The following PSD2 variants were observed in gnomAD, a reference collection of about 807,000 sequenced individuals.
PSD2 encodes the protein pleckstrin and Sec7 domain containing 2.
PSD2 carries 38 observed loss-of-function variants against 69.8 expected under a neutral mutation model. The ratio of observed to expected loss-of-function variants is 0.54; its 90% confidence interval spans 0.42 to 0.71. The LOEUF is 0.71. Among genes scored for constraint, PSD2 ranks in the 30% least tolerant of loss-of-function variants. The pLI is 0.00. For synonymous variants in PSD2, 412 were observed against 423.0 expected (o/e 0.97, Z 0.32); for missense variants, 943 against 1,014.5 (o/e 0.93, Z 0.96).
chr5:139,747,379 A>C, the PSD2 span, among the ~76,000 whole-genome samples: 7 of 152,082 alleles, frequency 4.6e-5, no homozygotes, highest in Non-Finnish European at 7.4e-5. The surrounding 1 kb of genome is among the most constrained non-coding windows in gnomAD (Gnocchi z 6.7). Context: ...CCCAGCTGTT[A>C]ACCTTCACGC....
chr5:139,767,165 T>C, the PSD2 span, among the ~76,000 whole-genome samples: 15 of 148,880 alleles, frequency 1.0e-4, no homozygotes, highest in Non-Finnish European at 2.1e-4. Context: ...GCTAATTTTT[T>C]TTGTATTTTT....
At chr5:139,816,946 T>G (rs1760135936) in intron 4 of PSD2, among the ~76,000 whole-genome samples, 1 of 152,254 alleles carries the variant, frequency 6.6e-6, no homozygotes, top group African/African-American at 2.4e-5. Flanking sequence ...TCTCCTTGTC[T>G]TGTGGATTCT....
chr5:139,824,325 A>G (rs1250127859), intron 7 of PSD2, among the ~76,000 whole-genome samples: 1 of 151,612 alleles, frequency 6.6e-6, no homozygotes, highest in Non-Finnish European at 1.5e-5. Flanking sequence ...CACTTCATAG[A>G]TTAGAAGTGG....
At position 139,814,232 on chromosome 5, in the gene PSD2, T is replaced by C. The variant is rs1405989474; in HGVS notation, c.884T>C (p.Leu295Ser). Residue 295 changes from leucine (L) to serine (S), a missense_variant, in exon 4 of 15, where the codon TTG (leucine) becomes TCG (serine). Around this residue, in one of 3 missense-constraint regions of PSD2, gnomAD observed 466 missense variants for 445.0 expected, o/e 1.05. Coordinates refer to ENST00000274710, the MANE Select transcript of PSD2 (RefSeq NM_032289.4). This position sits in a 1 kb window ranked among gnomAD's most constrained non-coding sequence, Gnocchi z 4.4. Reference protein sequence around the residue: ...SDSELSSSEGLEPGSADPLAN... With the variant: ...SDSELSSSEGSEPGSADPLAN... ...TCTGAGCTCAGCAGCTCGGAGGGGTTGGAGCCTGGTAGTGCAGACCCTCTG... is the reference window on the plus strand; with the variant it reads ...TCTGAGCTCAGCAGCTCGGAGGGGTCGGAGCCTGGTAGTGCAGACCCTCTG... The C allele has an allele frequency of 1.2e-6, 2 of 1,613,716 alleles. No individual in the cohort carries two copies. The highest frequency in any genetic ancestry group is 4.5e-5 in the East Asian group (2 of 44,854).
At chr5:139,746,384 A>AT in the PSD2 span, among the ~76,000 whole-genome samples, 188 of 152,188 alleles carry the variant, frequency 1.2e-3, 1 homozygote, top group Middle Eastern at 6.8e-3. The surrounding 1 kb of genome is among the most constrained non-coding windows in gnomAD (Gnocchi z 4.5). Flanking sequence ...CTCAGCGAAG[A>AT]TTTTTTCCTC....
chr5:139,838,615 C>G lies in PSD2; in HGVS notation c.1824-13C>G, dbSNP rs551007881. ...TGTGAGAGGCCGGCACCCTCTCCCC[C>G]TCCTGTCCCCAGGAGCAAGGAAGAA... On this transcript the variant is annotated splice_polypyrimidine_tract_variant and intron_variant, in intron 12 of 14. Coordinates refer to ENST00000274710, the MANE Select transcript of PSD2 (RefSeq NM_032289.4). 124 of 1,608,902 alleles carry G rather than the reference C, an allele frequency of 7.7e-5. No homozygotes were observed. The East Asian group carries it at 1.6e-3, about 21-fold the overall frequency.
At chr5:139,766,309 G>A in the PSD2 span, among the ~76,000 whole-genome samples, 2 of 152,198 alleles carry the variant, frequency 1.3e-5, no homozygotes, top group Admixed American at 1.3e-4. Flanking sequence ...CTGGCCCTAA[G>A]CCTTTCATGG....
the PSD2 span, among the ~76,000 whole-genome samples, chr5:139,764,130 A>T: frequency 6.6e-6 from 1 of 152,164 alleles, no homozygotes; most frequent in Non-Finnish European, 1.5e-5. Flanking sequence ...GGCTGAGCAC[A>T]CAGTCAGCGG....
the PSD2 span, among the ~76,000 whole-genome samples, chr5:139,769,733 C>G: frequency 1.3e-5 from 2 of 152,138 alleles, no homozygotes; most frequent in South Asian, 4.1e-4. Flanking sequence ...CAGGCTGGGT[C>G]AGTCATTGCA....
chr5:139,828,243 G>T (rs1760480221), intron 7 of PSD2, among the ~76,000 whole-genome samples: 1 of 152,138 alleles, frequency 6.6e-6, no homozygotes, highest in Non-Finnish European at 1.5e-5. Flanking sequence ...CTGAAGGCTG[G>T]GGTAAGCGGG....
the PSD2 span, among the ~76,000 whole-genome samples, chr5:139,753,615 T>C: frequency 6.6e-6 from 1 of 152,110 alleles, no homozygotes; most frequent in Non-Finnish European, 1.5e-5. Context: ...AGCTATTTCA[T>C]CCTCCCAGAA....
In PSD2 at chr5:139,813,421, G is replaced by A. The variant is rs1278058464; in HGVS notation, c.484G>A (p.Asp162Asn). The change falls in exon 3 of 15, where the codon GAC (aspartate) becomes AAC (asparagine). Residue 162 changes from aspartate (D) to asparagine (N), a missense_variant. By Grantham distance (23) the Asp-to-Asn change is conservative. Around this residue, in one of 3 missense-constraint regions of PSD2, gnomAD observed 466 missense variants for 445.0 expected, o/e 1.05. Transcript: ENST00000274710. ...CCAGTACAGCAGCCTCGACTCCCTA[G>A]ACGGGCTGAGCCTCACGGATGAGAG... The part of the protein sequence containing the change: ...GTQYSSLDSL[D>N]GLSLTDESDS... The A allele has an allele frequency of 1.2e-6, 2 of 1,613,976 alleles. No individual in the cohort carries two copies. The highest frequency in any genetic ancestry group is 2.2e-5 in the East Asian group (1 of 44,874).
intron 4 of PSD2, among the ~76,000 whole-genome samples, chr5:139,815,806 C>A (rs1760107187): frequency 6.6e-6 from 1 of 151,956 alleles, no homozygotes; most frequent in Admixed American, 6.6e-5. Context: ...CCAGCCTGGC[C>A]AATATGGGGA....
At chr5:139,836,730 A>C (rs986545798) in intron 9 of PSD2, 81 bp from the exon 10 acceptor site, 36 of 1,275,680 alleles carry the variant, frequency 2.8e-5, no homozygotes, top group Non-Finnish European at 3.9e-5. Context: ...GCTCCTGGAG[A>C]GGAGGCTGGT....
chr5:139,768,366 C>CA, the PSD2 span, among the ~76,000 whole-genome samples: 1 of 152,110 alleles, frequency 6.6e-6, no homozygotes, highest in African/African-American at 2.4e-5. Context: ...GAGAGGAGGG[C>CA]ATAAAAAGAG....
chr5:139,824,098 TGACA>T (rs1426585413), intron 7 of PSD2, among the ~76,000 whole-genome samples: 1 of 152,226 alleles, frequency 6.6e-6, no homozygotes, highest in African/African-American at 2.4e-5. Context: ...CTCTGTTTAT[TGACA>T]GACAGCAGTG....
chr5:139,743,060 C>G, the PSD2 span, among the ~76,000 whole-genome samples: 1 of 152,172 alleles, frequency 6.6e-6, no homozygotes. Flanking sequence ...GTGTCATTTC[C>G]CGGCAAGCTG....
the PSD2 span, among the ~76,000 whole-genome samples, chr5:139,749,931 TGAA>T: frequency 7.3e-4 from 111 of 151,864 alleles, 1 homozygote; most frequent in Admixed American, 2.0e-3. Context: ...CTTGGGAGGC[TGAA>T]GAAGAAGGAT....
chr5:139,745,771 C>T, the PSD2 span, among the ~76,000 whole-genome samples: 1 of 152,200 alleles, frequency 6.6e-6, no homozygotes, highest in Non-Finnish European at 1.5e-5. Flanking sequence ...CGTGTGCCTG[C>T]CCAGGCTGTC....
Sources: allele counts gnomAD v4.1 joint callset (sites outside exome capture counted in the v4.1 genomes callset), GRCh38; gene constraint gnomAD v4.1.1; regional missense constraint gnomAD v4.1.1; non-coding constraint Gnocchi (gnomAD v3.1); transcripts MANE v1.5; gene names NCBI Gene and HGNC (gene_info 2026-07-23, HGNC 2026-07-21).